Variants in NINL observed in about 807,000 individuals in gnomAD.
NINL encodes the protein ninein-like protein.
In NINL, 153 loss-of-function variants were observed where a neutral mutation model predicts 160.3. The observed-to-expected ratio is 0.95, with a 90% CI of 0.84 to 1.09. The LOEUF (loss-of-function observed/expected upper bound fraction) is 1.09. Ranked by LOEUF, NINL falls within the 50% of genes least tolerant of loss-of-function variation. The probability of loss-of-function intolerance (pLI) is 0.00; values close to 1 mark genes in which losing one functional copy is unlikely to be tolerated. For synonymous variants in NINL, 800 were observed against 734.8 expected (o/e 1.09, Z -1.43); for missense variants, 1,829 against 1,764.0 (o/e 1.04, Z -0.66).
intron 1 of NINL, among the ~76,000 whole-genome samples, chr20:25,567,312 T>C (rs1022877403): frequency 2.6e-5 from 4 of 152,070 alleles, no homozygotes; most frequent in African/African-American, 9.7e-5. Context: ...GTGTAACACA[T>C]GCATAATGGG....
chr20:25,458,644 G>A lies in NINL; in HGVS notation c.3697-115C>T, dbSNP rs985433869. On this transcript the variant is annotated intron_variant, in intron 21 of 23. Coordinates refer to ENST00000278886, the MANE Select transcript of NINL (RefSeq NM_025176.6). The stretch of plus-strand genomic sequence containing the variant: ...AAGGGCAAGGAAAGCGTGTGCTCCC[G>A]AGTATGCAGCAGCACCTGAATATTT... The A allele has an allele frequency of 1.7e-5, 19 of 1,092,250 alleles. No homozygotes were observed. In the East Asian group the frequency reaches 4.2e-4, roughly 24 times the overall value. The allele number at this position is 1,092,250 out of a possible 1,614,324, so 67.7% of individuals were successfully genotyped here.
intron 3 of NINL, among the ~76,000 whole-genome samples, chr20:25,516,991 G>C (rs143652232): frequency 1.4e-4 from 22 of 152,172 alleles, no homozygotes; most frequent in Non-Finnish European, 2.8e-4. Context: ...CTGAATAATG[G>C]GTATGGTAAG....
chr20:25,555,235 T>C (rs1399684775), intron 1 of NINL, among the ~76,000 whole-genome samples: 5 of 152,190 alleles, frequency 3.3e-5, no homozygotes, highest in Non-Finnish European at 7.4e-5. Flanking sequence ...CCTGTGACAC[T>C]GTCAGACATG....
At chr20:25,561,835 G>A (rs1307702122) in intron 1 of NINL, among the ~76,000 whole-genome samples, 3 of 151,816 alleles carry the variant, frequency 2.0e-5, no homozygotes, top group Non-Finnish European at 4.4e-5. Flanking sequence ...CCCTCCGCCC[G>A]GCTGCCACCC....
At chr20:25,477,981 C>T (rs1464035204) in intron 16 of NINL, among the ~76,000 whole-genome samples, 1 of 147,046 alleles carries the variant, frequency 6.8e-6, no homozygotes, top group East Asian at 2.0e-4. Context: ...ACGAGTCTCA[C>T]TTTGTGGCTC....
At position 25,476,168 on chromosome 20, in the gene NINL, G is replaced by T; in HGVS notation, c.3123C>A (p.Ala1041=). ...PQGSWQEQLA[A]PEEGETKIAL... The stretch of plus-strand genomic sequence containing the variant: ...CTATTTTGGTCTCCCCCTCTTCTGG[G>T]GCAGCAAGCTGCTCCTGCCAGGAAC... Residue 1041 remains alanine (A), a synonymous_variant, in exon 17 of 24, where the codon GCC becomes GCA. Coordinates refer to ENST00000278886, the MANE Select transcript of NINL (RefSeq NM_025176.6). The T allele has an allele frequency of 6.2e-7, 1 of 1,614,062 alleles. No individual in the cohort carries two copies. Among genetic ancestry groups the T allele is most frequent in the Non-Finnish European group, 8.5e-7 (1 of 1,180,012 alleles).
intron 13 of NINL, among the ~76,000 whole-genome samples, chr20:25,487,191 C>A (rs1388126900): frequency 3.3e-5 from 5 of 152,124 alleles, no homozygotes; most frequent in Non-Finnish European, 1.5e-5. Context: ...ACTATGGTTG[C>A]CCAACTTGAA....
At chr20:25,472,323 G>GGAGATA (rs1177798376) in intron 17 of NINL, among the ~76,000 whole-genome samples, 3 of 54,634 alleles carry the variant, frequency 5.5e-5, no homozygotes, top group African/African-American at 2.0e-4. Context: ...TGGGAGGAGA[G>GGAGATA]GATATATATA....
At chr20:25,465,492 AACACTAGCTCCCTGAC>A (rs2062890395) in intron 19 of NINL, among the ~76,000 whole-genome samples, 1 of 152,032 alleles carries the variant, frequency 6.6e-6, no homozygotes, top group Non-Finnish European at 1.5e-5. Flanking sequence ...GCTGCCCTGG[AACACTAGCTCCCTGAC>A]ACCCCCCACG....
chr20:25,457,765 A>G (rs2090726127), intron 22 of NINL, among the ~76,000 whole-genome samples: 1 of 152,202 alleles, frequency 6.6e-6, no homozygotes, highest in Non-Finnish European at 1.5e-5. Flanking sequence ...AGACTTTTGA[A>G]TTAAACTCCT....
intron 1 of NINL, among the ~76,000 whole-genome samples, chr20:25,534,761 C>T (rs2064528239): frequency 1.3e-5 from 2 of 152,168 alleles, no homozygotes. Context: ...CTCATGGATA[C>T]CAAAATCACA....
chr20:25,577,899 C>G (rs2065134669), intron 1 of NINL, among the ~76,000 whole-genome samples: 1 of 150,784 alleles, frequency 6.6e-6, no homozygotes, highest in South Asian at 2.1e-4. Flanking sequence ...ATGGCGCGAT[C>G]TCGGCTCACT....
At chr20:25,526,625 A>C (rs762519200) in intron 1 of NINL, 27 bp from the exon 2 acceptor site, 1 of 1,593,190 alleles carries the variant, frequency 6.3e-7, no homozygotes, top group South Asian at 1.1e-5. Context: ...GAAGAAGAAA[A>C]CATCAGGACA....
intron 1 of NINL, among the ~76,000 whole-genome samples, chr20:25,528,871 G>A (rs760902276): frequency 2.0e-5 from 3 of 152,148 alleles, no homozygotes; most frequent in African/African-American, 4.8e-5. Flanking sequence ...CAAGTAATTC[G>A]TAAACATGAA....
Position 25,517,740 on chromosome 20 carries a change from GA to G in NINL, c.277+12del. 1 of 1,553,506 alleles carries G rather than the reference GA, an allele frequency of 6.4e-7. No individual in the cohort carries two copies. The highest frequency in any genetic ancestry group is 8.7e-7 in the Non-Finnish European group (1 of 1,145,252). ...CAAATAATGAAAAGAAAACACAGAG[GA>G]AATCCTCTTACCTGATTCCAAAGAA... is the stretch of plus-strand genomic sequence containing the variant. On this transcript the variant is annotated intron_variant, in intron 3 of 23. Coordinates refer to ENST00000278886, the MANE Select transcript of NINL (RefSeq NM_025176.6).
At chr20:25,560,495 T>C (rs938374495) in intron 1 of NINL, among the ~76,000 whole-genome samples, 1 of 152,206 alleles carries the variant, frequency 6.6e-6, no homozygotes, top group African/African-American at 2.4e-5. Flanking sequence ...TGTGCCACGA[T>C]GGGCACAGGC....
In NINL at chr20:25,500,901, G is replaced by A. The variant is rs768921259; in HGVS notation, c.971C>T (p.Pro324Leu). 6.2e-7 allele frequency: 1 copy of A among 1,614,238 alleles called. No individual in the cohort carries two copies. Among genetic ancestry groups the A allele is most frequent in the South Asian group, 1.1e-5 (1 of 91,082 alleles). Residue 324 changes from proline to leucine, a missense_variant, in exon 8 of 24, where the codon CCT becomes CTT. Physicochemically the swap from Pro to Leu is moderately conservative, Grantham distance 98. Transcript: ENST00000278886. ...GGTCCACATGGCCAGGACCTGATCAGGAAAAGCGAAGCCAGAACCATCGTC... is the reference window on the plus strand; with the variant it reads ...GGTCCACATGGCCAGGACCTGATCAAGAAAAGCGAAGCCAGAACCATCGTC... ...SIDDGSGFAF[P>L]DQVLAMWTQE...
At chr20:25,544,284 A>G (rs180758245) in intron 1 of NINL, among the ~76,000 whole-genome samples, 5 of 152,258 alleles carry the variant, frequency 3.3e-5, no homozygotes, top group Admixed American at 3.3e-4. Flanking sequence ...AGGATAAAAG[A>G]GGTGCACAGG....
At chr20:25,585,041 G>A (rs1044003407) in intron 1 of NINL, among the ~76,000 whole-genome samples, 1 of 152,200 alleles carries the variant, frequency 6.6e-6, no homozygotes, top group African/African-American at 2.4e-5. Context: ...CGCCGGCGGC[G>A]TCAGGAGAAA....
Sources: allele counts gnomAD v4.1 joint callset (sites outside exome capture counted in the v4.1 genomes callset), GRCh38; gene constraint gnomAD v4.1.1; transcripts MANE v1.5; gene names NCBI Gene and HGNC (gene_info 2026-07-23, HGNC 2026-07-21).